TSC1: variants seen among roughly 807,000 people sequenced by gnomAD.
The protein encoded by TSC1 is TSC complex subunit 1.
Under a neutral mutation model 124.3 loss-of-function variants are expected in TSC1, and 20 were observed. The ratio of observed to expected loss-of-function variants is 0.16; its 90% confidence interval spans 0.11 to 0.23. The LOEUF (loss-of-function observed/expected upper bound fraction) is 0.23. Among genes scored for constraint, TSC1 ranks in the 10% least tolerant of loss-of-function variants. The pLI is 1.00. For missense variants in TSC1, 1,124 were observed against 1,448.5 expected, an observed-to-expected ratio of 0.78 and a Z score of 3.64; for synonymous variants, 493 against 539.1, an observed-to-expected ratio of 0.91 and a Z score of 1.19.
Position 132,929,015 on chromosome 9 carries a change from T to C in TSC1, c.-80-63A>G. The C allele has an allele frequency of 2.8e-6, 4 of 1,430,466 alleles. No individual in the cohort carries two copies. The South Asian group carries it at 3.9e-5, about 14-fold the overall frequency. 88.6% of individuals were successfully genotyped at this position (1,430,466 alleles called of 1,614,324 possible). A position where few individuals can be genotyped will look rare whatever the true frequency, so the allele number is the denominator to read the frequency against. ...CATTTTTCTCCATAAAAAAAGAAAA[T>C]ACCTGCAAGACAAACTAATGCACGT... On this transcript the variant is annotated intron_variant, in intron 2 of 22. Coordinates refer to ENST00000298552, the MANE Select transcript of TSC1 (RefSeq NM_000368.5).
rs116951280 is a variant in TSC1 at position 132,935,081 on chromosome 9, T to A, written c.-129A>T. 0.013 allele frequency: 5,148 copies of A among 399,072 alleles called. 51 individuals are homozygous for A. The highest frequency in any genetic ancestry group is 0.018 in the Admixed American group (406 of 22,738). The allele number at this position is 399,072 out of a possible 1,614,324, so 24.7% of individuals were successfully genotyped here. A position where few individuals can be genotyped will look rare whatever the true frequency, so the allele number is the denominator to read the frequency against. The stretch of plus-strand genomic sequence containing the variant: ...TCAGTTTCCAGTGCTGTCAACCTGG[T>A]GTCTTTCATGGTCACTGAAGGAAGA... On this transcript the variant is annotated 5_prime_UTR_variant, in exon 2 of 23. Transcript: ENST00000298552.
At position 132,892,647 on chromosome 9, in the gene TSC1, C is replaced by G. The variant is rs911093230; in HGVS notation, c.*3588G>C. 1.3e-5 allele frequency: 3 copies of G among 233,226 alleles called. No individual in the cohort carries two copies. The highest frequency in any genetic ancestry group is 2.5e-5 in the Non-Finnish European group (3 of 118,088). The allele number at this position is 233,226 out of a possible 1,614,324, so 14.4% of individuals were successfully genotyped here. A position where few individuals can be genotyped will look rare whatever the true frequency, so the allele number is the denominator to read the frequency against. On this transcript the variant is annotated 3_prime_UTR_variant, in exon 23 of 23. Coordinates refer to ENST00000298552, the MANE Select transcript of TSC1 (RefSeq NM_000368.5). ...TCCTCCCACCTCTTAGTGCTTTCAG[C>G]GAGAAAAGGTGAGTCTCATTACGCA...
intron 8 of TSC1, among the ~76,000 whole-genome samples, chr9:132,916,426 A>C (rs1285702726): frequency 6.8e-6 from 1 of 148,114 alleles, no homozygotes; most frequent in African/African-American, 2.5e-5. Context: ...ACCATCTATT[A>C]ACTTACTATT....
At chr9:132,920,793 C>T (rs1453415800) in intron 8 of TSC1, among the ~76,000 whole-genome samples, 1 of 151,974 alleles carries the variant, frequency 6.6e-6, no homozygotes. Context: ...TCCTTTATCT[C>T]CCTCGCTCAG....
Position 132,895,908 on chromosome 9 carries a change from T to A in TSC1, c.*327A>T. On this transcript the variant is annotated 3_prime_UTR_variant, in exon 23 of 23. Coordinates refer to ENST00000298552, the MANE Select transcript of TSC1 (RefSeq NM_000368.5). ...GACTCAAAGATTAAATTTGGCCTCATATTGCACAGGTTCAAAGGACGCAAC... is the reference window on the plus strand; with the variant it reads ...GACTCAAAGATTAAATTTGGCCTCAAATTGCACAGGTTCAAAGGACGCAAC... The A allele has an allele frequency of 2.3e-6, 1 of 429,048 alleles. No individual in the cohort carries two copies. Among genetic ancestry groups the A allele is most frequent in the Non-Finnish European group, 4.3e-6 (1 of 232,770 alleles). 26.6% of individuals were successfully genotyped at this position (429,048 alleles called of 1,614,324 possible). A position where few individuals can be genotyped will look rare whatever the true frequency, so the allele number is the denominator to read the frequency against.
rs1268946233 is a variant in TSC1 at position 132,902,921 on chromosome 9, A to C, written c.2209-134T>G. The C allele has an allele frequency of 2.6e-6, 3 of 1,147,492 alleles. No individual in the cohort carries two copies. Among genetic ancestry groups the C allele is most frequent in the African/African-American group, 3.0e-5 (2 of 65,716 alleles). 71.1% of individuals were successfully genotyped at this position (1,147,492 alleles called of 1,614,324 possible). A position where few individuals can be genotyped will look rare whatever the true frequency, so the allele number is the denominator to read the frequency against. ...ACTAACTACAGACCAAAACTCTTAG[A>C]GCTCACTACTGTCTTACTTGGCCTT... On this transcript the variant is annotated intron_variant, in intron 17 of 22. Transcript: ENST00000298552. The surrounding 1 kb of genome is among the most constrained non-coding windows in gnomAD (Gnocchi z 5.2).
At chr9:132,897,667 G>A in intron 20 of TSC1, 57 bp from the exon 21 acceptor site, 1 of 1,557,444 alleles carries the variant, frequency 6.4e-7, no homozygotes, top group Non-Finnish European at 8.6e-7. Context: ...TAAACATGCT[G>A]TATCCATTTT....
At chr9:132,934,961 C>A (rs1040549673) in intron 2 of TSC1, 72 bp downstream of exon 2, 13 of 398,698 alleles carry the variant, frequency 3.3e-5, no homozygotes, top group Non-Finnish European at 4.9e-5. Flanking sequence ...ATGTTAAATC[C>A]CTGAATGCAC....
intron 1 of TSC1, chr9:132,941,708 G>A (rs1251600355): frequency 6.6e-6 from 1 of 152,166 alleles, no homozygotes; most frequent in Non-Finnish European, 1.5e-5. Context: ...TGATGTAAAG[G>A]AAAGGATAAA....
intron 1 of TSC1, chr9:132,944,080 C>G (rs1847907505): frequency 6.5e-6 from 1 of 152,880 alleles, no homozygotes; most frequent in Non-Finnish European, 1.5e-5. Flanking sequence ...GACCTCCATT[C>G]ATTCTCCACG....
At chr9:132,912,562 C>T in intron 8 of TSC1, 105 bp from the exon 9 acceptor site, 1 of 1,327,016 alleles carries the variant, frequency 7.5e-7, no homozygotes, top group Non-Finnish European at 1.1e-6. Context: ...TAGCAAAGAA[C>T]AAGCGGGACC....
chr9:132,944,623 TC>T (rs908334848), upstream of TSC1: 42 of 398,256 alleles, frequency 1.1e-4, no homozygotes, highest in Non-Finnish European at 1.7e-4. Context: ...GTACAGCACC[TC>T]CCCCGTCGTG....
chr9:132,926,332 G>GAAAAC (rs1846859136), intron 4 of TSC1: 1 of 163,178 alleles, frequency 6.1e-6, no homozygotes, highest in East Asian at 1.8e-4. Flanking sequence ...CACCTCTTTA[G>GAAAAC]AAAACAAAAC....
chr9:132,896,605 C>A lies in TSC1; in HGVS notation c.3125G>T (p.Ser1042Ile), dbSNP rs148931779. 29 of 1,613,544 alleles carry A rather than the reference C, an allele frequency of 1.8e-5. No homozygotes were observed. In the African/African-American group the frequency reaches 3.2e-4, roughly 18 times the overall value. Residue 1042 changes from serine (S) to isoleucine (I), a missense_variant, in exon 23 of 23, where the codon AGC (serine) becomes ATC (isoleucine). Around this residue, in one of 5 missense-constraint regions of TSC1, gnomAD observed 325 missense variants for 383.4 expected, o/e 0.85. Transcript: ENST00000298552. The surrounding 1 kb of genome is among the most constrained non-coding windows in gnomAD (Gnocchi z 4.5). ...SRGGGGSSSS[S>I]SELSTPEKPP... Reference sequence around the variant, plus strand: ...TTTCTCTGGGGTAGAAAGCTCGCTGCTGCTGCTGCTGCTGCCTCCACCACC... The same window carrying A: ...TTTCTCTGGGGTAGAAAGCTCGCTGATGCTGCTGCTGCTGCCTCCACCACC...
chr9:132,930,188 T>C (rs1464900917), intron 2 of TSC1, among the ~76,000 whole-genome samples: 1 of 152,210 alleles, frequency 6.6e-6, no homozygotes, highest in Admixed American at 6.5e-5. Flanking sequence ...CTCAGGAATC[T>C]ATATTTTAAT....
At chr9:132,938,867 A>T (rs1564513192) in intron 1 of TSC1, among the ~76,000 whole-genome samples, 2 of 152,232 alleles carry the variant, frequency 1.3e-5, no homozygotes, top group Non-Finnish European at 2.9e-5. Flanking sequence ...TGGCCTAGAC[A>T]CTACCCTCTA....
In TSC1 at chr9:132,902,302, C is replaced by G. The variant is rs1588300470; in HGVS notation, c.2391+303G>C. 6.6e-6 allele frequency among the ~76,000 whole-genome samples: 1 copy of G among 152,138 alleles called. No individual in the cohort carries two copies. On this transcript the variant is annotated intron_variant, in intron 18 of 22. Coordinates refer to ENST00000298552, the MANE Select transcript of TSC1 (RefSeq NM_000368.5). This position sits in a 1 kb window ranked among gnomAD's most constrained non-coding sequence, Gnocchi z 5.2. ...ACAGCTACTAAGTTCTTAGGACATT[C>G]GTACTCACTAAGTTATTCAGATCTA...
At chr9:132,937,252 T>C (rs1198096721) in intron 1 of TSC1, among the ~76,000 whole-genome samples, 2 of 152,132 alleles carry the variant, frequency 1.3e-5, no homozygotes, top group Admixed American at 1.3e-4. Context: ...GAGACCAACC[T>C]AACCAACATG....
chr9:132,924,185 T>C (rs1338341115), intron 5 of TSC1, among the ~76,000 whole-genome samples: 2 of 152,186 alleles, frequency 1.3e-5, no homozygotes, highest in African/African-American at 2.4e-5. Flanking sequence ...ACTAGCTAGC[T>C]ACAGCAGCTC....
Sources: gnomAD v4.1 joint callset for allele counts (sites outside exome capture counted in the v4.1 genomes callset) on GRCh38, gnomAD v4.1.1 for gene constraint, gnomAD v4.1.1 regional missense constraint, Gnocchi (gnomAD v3.1) non-coding constraint, MANE v1.5 for transcripts, NCBI Gene and HGNC (gene_info 2026-07-23, HGNC 2026-07-21) for gene names.